The following TAFA5 variants were observed in gnomAD, a reference collection of about 807,000 sequenced individuals.
TAFA5 encodes the protein chemokine-like protein TAFA-5.
TAFA5 carries 6 observed loss-of-function variants against 15.3 expected under a neutral mutation model. That is an observed-to-expected ratio of 0.39 (90% confidence interval 0.21 to 0.77). TAFA5 has a LOEUF of 0.77. Ranked by LOEUF, TAFA5 falls within the 30% of genes least tolerant of loss-of-function variation. The pLI, the probability that TAFA5 is intolerant of heterozygous loss-of-function variation, is 0.41. For missense variants in TAFA5, 161 were observed against 193.1 expected, an observed-to-expected ratio of 0.83 and a Z score of 0.98; for synonymous variants, 103 against 80.7, an observed-to-expected ratio of 1.28 and a Z score of -1.48.
At chr22:48,491,533 T>C (rs2147090480) in intron 1 of TAFA5, among the ~76,000 whole-genome samples, 1 of 152,210 alleles carries the variant, frequency 6.6e-6, no homozygotes, top group South Asian at 2.1e-4. Flanking sequence ...TCAGCAGGTG[T>C]GGAAAAGAAC....
intron 3 of TAFA5, among the ~76,000 whole-genome samples, chr22:48,738,330 A>G (rs924681241): frequency 1.3e-5 from 2 of 152,172 alleles, no homozygotes; most frequent in Non-Finnish European, 2.9e-5. Context: ...GTGGATTGTG[A>G]TGTCACCAAA....
chr22:48,580,906 G>T (rs918158256), intron 1 of TAFA5, among the ~76,000 whole-genome samples: 1 of 152,096 alleles, frequency 6.6e-6, no homozygotes, highest in Non-Finnish European at 1.5e-5. Flanking sequence ...GCCCTGATGA[G>T]GTGTGCAGGC....
At chr22:48,591,293 G>A (rs138360892) in intron 1 of TAFA5, among the ~76,000 whole-genome samples, 208 of 152,362 alleles carry the variant, frequency 1.4e-3, no homozygotes, top group African/African-American at 5.0e-3. Context: ...CGGTTCCTTA[G>A]TGAATCTTCT....
intron 3 of TAFA5, among the ~76,000 whole-genome samples, chr22:48,716,485 C>T (rs1412645625): frequency 6.6e-6 from 1 of 152,008 alleles, no homozygotes; most frequent in African/African-American, 2.4e-5. Context: ...ACATGGACAC[C>T]AGGAGGGGAA....
chr22:48,675,336 C>T (rs1213768000), intron 2 of TAFA5, among the ~76,000 whole-genome samples: 1 of 152,242 alleles, frequency 6.6e-6, no homozygotes, highest in Non-Finnish European at 1.5e-5. Flanking sequence ...GGCGGGGCCC[C>T]CGTCCAAAAC....
At chr22:48,588,565 G>A (rs1261993552) in intron 1 of TAFA5, among the ~76,000 whole-genome samples, 1 of 152,152 alleles carries the variant, frequency 6.6e-6, no homozygotes, top group East Asian at 1.9e-4. Flanking sequence ...ACTCGAAGTG[G>A]GTCCCCATGG....
At chr22:48,703,170 C>T (rs73437830) in intron 2 of TAFA5, among the ~76,000 whole-genome samples, 3,530 of 152,154 alleles carry the variant, frequency 0.023, 110 homozygotes, top group African/African-American at 0.066. Flanking sequence ...GTGTGTGTGC[C>T]TGCATGCCTT....
At chr22:48,558,586 C>A (rs1289388355) in intron 1 of TAFA5, among the ~76,000 whole-genome samples, 1 of 152,202 alleles carries the variant, frequency 6.6e-6, no homozygotes, top group African/African-American at 2.4e-5. Context: ...GAGCCGTGGT[C>A]TGTGGAGAGG....
intron 1 of TAFA5, among the ~76,000 whole-genome samples, chr22:48,518,679 G>A (rs1042341516): frequency 1.3e-5 from 2 of 152,082 alleles, no homozygotes; most frequent in Non-Finnish European, 2.9e-5. Flanking sequence ...GGAGCCCTGA[G>A]AGACCCCTGA....
At chr22:48,624,529 A>G (rs868440984) in intron 1 of TAFA5, among the ~76,000 whole-genome samples, 10 of 152,176 alleles carry the variant, frequency 6.6e-5, no homozygotes, top group Admixed American at 3.9e-4. Context: ...ACTGTTTATC[A>G]GTGTGGACTG....
intron 1 of TAFA5, among the ~76,000 whole-genome samples, chr22:48,625,532 T>A (rs2147185491): frequency 6.6e-6 from 1 of 152,338 alleles, no homozygotes; most frequent in Non-Finnish European, 1.5e-5. Context: ...TGCACAGTGC[T>A]TACGATCAGG....
At position 48,655,902 on chromosome 22, in the gene TAFA5, C is replaced by T. The variant is rs189718549; in HGVS notation, c.262+9156C>T. Among the ~76,000 whole-genome samples, 36 of 138,570 alleles carry T rather than the reference C, an allele frequency of 2.6e-4. No individual in the cohort carries two copies. The East Asian group carries it at 7.9e-3, about 30-fold the overall frequency. The allele number at this position is 138,570 out of a possible 152,430, so 90.9% of individuals were successfully genotyped here. A position where few individuals can be genotyped will look rare whatever the true frequency, so the allele number is the denominator to read the frequency against. On this transcript the variant is annotated intron_variant, in intron 2 of 3. Transcript: ENST00000402357. ...TTACCCAGGCTGGAGTGCAGTGGCG[C>T]GATCTCAGCTCACTGCAACCTCCGC...
chr22:48,634,472 ATCAC>A (rs376560776), intron 1 of TAFA5, among the ~76,000 whole-genome samples: 170 of 138,054 alleles, frequency 1.2e-3, no homozygotes, highest in African/African-American at 4.6e-3. Flanking sequence ...CATTCACTCA[ATCAC>A]TCAATCACTC....
intron 1 of TAFA5, among the ~76,000 whole-genome samples, chr22:48,607,050 A>G (rs1180995147): frequency 1.3e-5 from 2 of 152,150 alleles, no homozygotes; most frequent in Non-Finnish European, 2.9e-5. Context: ...GGCTCTGGGG[A>G]TGTCTGAGGA....
chr22:48,584,950 A>C (rs1390743004), intron 1 of TAFA5, among the ~76,000 whole-genome samples: 1 of 149,868 alleles, frequency 6.7e-6, no homozygotes, highest in Non-Finnish European at 1.5e-5. Flanking sequence ...CACTGATATC[A>C]CACACACACC....
At chr22:48,513,032 G>A (rs575362826) in intron 1 of TAFA5, among the ~76,000 whole-genome samples, 1 of 152,156 alleles carries the variant, frequency 6.6e-6, no homozygotes, top group Non-Finnish European at 1.5e-5. Flanking sequence ...GGTTTGTGGT[G>A]GGGGGAGTGT....
chr22:48,570,656 T>C (rs1923551491), intron 1 of TAFA5, among the ~76,000 whole-genome samples: 1 of 152,240 alleles, frequency 6.6e-6, no homozygotes, highest in Non-Finnish European at 1.5e-5. Context: ...GGGCCTACTT[T>C]CTCCATTAAA....
At chr22:48,585,948 C>T (rs999989808) in intron 1 of TAFA5, among the ~76,000 whole-genome samples, 1 of 152,192 alleles carries the variant, frequency 6.6e-6, no homozygotes, top group Non-Finnish European at 1.5e-5. Flanking sequence ...CACACGATAC[C>T]CCAAACACCA....
intron 1 of TAFA5, among the ~76,000 whole-genome samples, chr22:48,514,162 C>T (rs1001074899): frequency 2.0e-5 from 3 of 152,148 alleles, no homozygotes; most frequent in African/African-American, 2.4e-5. Context: ...GTTGCCGCTG[C>T]ATATATGAGT....
Sources: gnomAD v4.1 joint callset for allele counts (sites outside exome capture counted in the v4.1 genomes callset) on GRCh38, gnomAD v4.1.1 for gene constraint, MANE v1.5 for transcripts, NCBI Gene and HGNC (gene_info 2026-07-23, HGNC 2026-07-21) for gene names.